The following TUBGCP2 variants were observed in gnomAD, a reference collection of about 807,000 sequenced individuals.
The protein encoded by TUBGCP2 is gamma-tubulin complex component 2.
A neutral mutation model predicts 92.2 loss-of-function variants in TUBGCP2; 55 were observed. The observed-to-expected ratio is 0.60, with a 90% confidence interval of 0.48 to 0.75. The LOEUF is 0.75. TUBGCP2 is among the 30% of genes least tolerant of loss of function. TUBGCP2 has a pLI of 0.00. For missense variants in TUBGCP2, 1,093 were observed against 1,188.9 expected (o/e 0.92, Z 1.19); for synonymous variants, 533 against 505.2 (o/e 1.06, Z -0.74).
upstream of TUBGCP2, chr10:133,309,714 A>C (rs1231119027): frequency 3.2e-6 from 5 of 1,586,020 alleles, no homozygotes; most frequent in Admixed American, 3.3e-5. Flanking sequence ...GAAACTGTGC[A>C]GAAAGTCCAG....
upstream of TUBGCP2, chr10:133,309,277 T>C: frequency 7.3e-7 from 1 of 1,360,900 alleles, no homozygotes; most frequent in Non-Finnish European, 1.0e-6. Context: ...GGCCTGAGGC[T>C]GTGGGGCGGG....
In TUBGCP2 at chr10:133,304,734, G is replaced by A. The variant is rs573176088; in HGVS notation, c.-39-1754C>T. On this transcript the variant is annotated intron_variant, in intron 1 of 17. Coordinates refer to ENST00000252936, the MANE Select transcript of TUBGCP2 (RefSeq NM_006659.4). ...TATGAATATCATTAATCATCAGTTT[G>A]TAGCAATTACTCTTTATTCCAATAT... Among the ~76,000 whole-genome samples the A allele has an allele frequency of 3.9e-5, 6 of 152,200 alleles. No individual in the cohort carries two copies. In the South Asian group the frequency reaches 1.2e-3, roughly 31 times the overall value.
Position 133,288,409 on chromosome 10 carries a change from A to G in TUBGCP2, c.1542-100T>C, listed in dbSNP as rs3008342. 4.7e-5 allele frequency: 60 copies of G among 1,287,318 alleles called. No homozygotes were observed. The African/African-American group carries it at 5.1e-4, about 11-fold the overall frequency. The allele number at this position is 1,287,318 out of a possible 1,614,324, so 79.7% of individuals were successfully genotyped here. Reference sequence around the variant, plus strand: ...GTGCCCACCCGCAGGTGCCCGCCACAGCCAGGGAGCAGGCGTGAGCACGTG... The same window carrying G: ...GTGCCCACCCGCAGGTGCCCGCCACGGCCAGGGAGCAGGCGTGAGCACGTG... On this transcript the variant is annotated intron_variant, in intron 10 of 17. Transcript: ENST00000252936.
chr10:133,283,765 T>TCG (rs1436691469), intron 14 of TUBGCP2, 117 bp downstream of exon 14: 5 of 1,486,712 alleles, frequency 3.4e-6, no homozygotes, highest in East Asian at 4.7e-5. Context: ...CTCCCTGCAT[T>TCG]CCCTGCCTCT....
intron 11 of TUBGCP2, among the ~76,000 whole-genome samples, chr10:133,286,521 C>A (rs915451739): frequency 3.3e-5 from 5 of 152,194 alleles, no homozygotes; most frequent in African/African-American, 1.2e-4. Context: ...AGGAAAGACA[C>A]GGCCTCAACC....
chr10:133,310,806 C>CT (rs1325729212), upstream of TUBGCP2, among the ~76,000 whole-genome samples: 844 of 146,122 alleles, frequency 5.8e-3, 5 homozygotes, highest in African/African-American at 0.018. Flanking sequence ...CAGGAACAAT[C>CT]TTTTTTTTTT....
chr10:133,309,793 G>A (rs770202221), upstream of TUBGCP2: 1 of 1,613,224 alleles, frequency 6.2e-7, no homozygotes, highest in Non-Finnish European at 8.5e-7. Context: ...GCGTTTGCCT[G>A]CCAGGTGGCC....
chr10:133,288,306 G>A lies in TUBGCP2; in HGVS notation c.1545C>T (p.Ser515=). Residue 515 remains serine (S), a synonymous_variant, in exon 11 of 18, where the codon TCC becomes TCT. Coordinates refer to ENST00000252936, the MANE Select transcript of TUBGCP2 (RefSeq NM_006659.4). ...GGTCCATGAGGAAGTAGCGCTTGAT[G>A]GACCTGCGCCAGGGAGCAGGCGTGA... is the stretch of plus-strand genomic sequence containing the variant. ...EEKELVAHLR[S]IKRYFLMDQG... The A allele has an allele frequency of 6.2e-7, 1 of 1,613,196 alleles. No homozygotes were observed. Among genetic ancestry groups the A allele is most frequent in the Non-Finnish European group, 8.5e-7 (1 of 1,179,892 alleles).
upstream of TUBGCP2, chr10:133,309,432 A>C (rs770000845): frequency 3.7e-6 from 6 of 1,612,510 alleles, no homozygotes; most frequent in Admixed American, 1.7e-5. Flanking sequence ...GGACGTGATC[A>C]TGCAGGTGGC....
At chr10:133,288,744 C>T in intron 10 of TUBGCP2, 96 bp downstream of exon 10, 1 of 1,352,614 alleles carries the variant, frequency 7.4e-7, no homozygotes. Flanking sequence ...CAAGGCGGAG[C>T]TGCCAGAAGA....
intron 2 of TUBGCP2, 153 bp from the exon 3 acceptor site, chr10:133,300,266 C>T (rs1589834911): frequency 3.3e-6 from 3 of 923,062 alleles, no homozygotes; most frequent in Non-Finnish European, 4.7e-6. Flanking sequence ...AAACTCATCT[C>T]CATATTGTGT....
rs1847096433 is a variant in TUBGCP2, at chr10:133,285,068, G to A, written c.2024+17C>T. The A allele has an allele frequency of 1.3e-6, 2 of 1,589,480 alleles. No homozygotes were observed. The highest frequency in any genetic ancestry group is 2.3e-5 in the East Asian group (1 of 44,404). On this transcript the variant is annotated intron_variant, in intron 13 of 17. Transcript: ENST00000252936. The surrounding 1 kb of genome is among the most constrained non-coding windows in gnomAD (Gnocchi z 6.8). The stretch of plus-strand genomic sequence containing the variant: ...CGCTGCTTCAGGAGGGCATGCGGGG[G>A]CAGAGGAAGAACGCACCACTGGGCG...
chr10:133,300,158 AGCACTGT>A (rs1306898809), intron 2 of TUBGCP2, 45 bp from the exon 3 acceptor site: 2 of 1,583,976 alleles, frequency 1.3e-6, no homozygotes, highest in Admixed American at 3.8e-5. Context: ...TAATTAATAA[AGCACTGT>A]AAAAAAAAAC....
chr10:133,285,683 T>G lies in TUBGCP2; in HGVS notation c.1723-55A>C, dbSNP rs1037882835. The G allele has an allele frequency of 3.4e-6, 5 of 1,461,554 alleles. No individual in the cohort carries two copies. Among genetic ancestry groups the G allele is most frequent in the Non-Finnish European group, 4.5e-6 (5 of 1,106,654 alleles). The allele number at this position is 1,461,554 out of a possible 1,614,324, so 90.5% of individuals were successfully genotyped here. On this transcript the variant is annotated intron_variant, in intron 11 of 17. Transcript: ENST00000252936. This position sits in a 1 kb window ranked among gnomAD's most constrained non-coding sequence, Gnocchi z 6.8. ...CCAGTTTTAAGGAAAAGACCCGAAG[T>G]CGCATCCCGATCGCCATCCTCGCTC... is the stretch of plus-strand genomic sequence containing the variant.
intron 16 of TUBGCP2, 92 bp downstream of exon 16, chr10:133,282,131 G>A (rs1847709203): frequency 1.9e-6 from 3 of 1,577,260 alleles, no homozygotes; most frequent in East Asian, 2.2e-5. Context: ...AAGTAAAAGG[G>A]GGGAGGTTTG....
intron 2 of TUBGCP2, among the ~76,000 whole-genome samples, chr10:133,300,819 TC>T (rs1847627679): frequency 6.6e-6 from 1 of 152,124 alleles, no homozygotes; most frequent in African/African-American, 2.4e-5. Flanking sequence ...GACTTACACT[TC>T]CCCCCAGTAG....
chr10:133,312,279 A>C, upstream of TUBGCP2: 1 of 1,238,508 alleles, frequency 8.1e-7, no homozygotes, highest in African/African-American at 1.6e-5. Flanking sequence ...CATGACCTGT[A>C]CTGTCTGCCT....
chr10:133,286,013 T>C (rs1847126961), intron 11 of TUBGCP2, among the ~76,000 whole-genome samples: 1 of 152,112 alleles, frequency 6.6e-6, no homozygotes, highest in African/African-American at 2.4e-5. Flanking sequence ...TAATAGTTAT[T>C]ATAAGCAAGT....
chr10:133,300,222 G>A (rs1847609543), intron 2 of TUBGCP2, 109 bp from the exon 3 acceptor site: 4 of 1,288,992 alleles, frequency 3.1e-6, no homozygotes, highest in Non-Finnish European at 4.3e-6. Context: ...AAATTGGGTA[G>A]GTTAAATAAT....
Sources: allele counts gnomAD v4.1 joint callset (sites outside exome capture counted in the v4.1 genomes callset), GRCh38; gene constraint gnomAD v4.1.1; non-coding constraint Gnocchi (gnomAD v3.1); transcripts MANE v1.5; gene names NCBI Gene and HGNC (gene_info 2026-07-23, HGNC 2026-07-21).